Variants in PPP2R2B observed in about 807,000 individuals in gnomAD.
PPP2R2B encodes the protein protein phosphatase 2 regulatory subunit Bbeta.
PPP2R2B carries 5 observed loss-of-function variants against 46.0 expected under a neutral mutation model. The ratio of observed to expected loss-of-function variants is 0.11; its 90% CI spans 0.06 to 0.23. The LOEUF (loss-of-function observed/expected upper bound fraction) is 0.23. PPP2R2B is among the 10% of genes least tolerant of loss of function. PPP2R2B has a pLI of 1.00. For synonymous variants in PPP2R2B, 215 were observed against 206.7 expected, an observed-to-expected ratio of 1.04 and a Z score of -0.34; for missense variants, 367 against 575.0, an observed-to-expected ratio of 0.64 and a Z score of 3.70.
At chr5:146,948,731 G>A (rs1489301380) in intron 1 of PPP2R2B, among the ~76,000 whole-genome samples, 1 of 151,970 alleles carries the variant, frequency 6.6e-6, no homozygotes, top group African/African-American at 2.4e-5. Context: ...TATTAAGAGG[G>A]CATTATGATT....
chr5:146,691,047 C>T (rs1394376624), intron 5 of PPP2R2B, 81 bp downstream of exon 5: 5 of 1,228,478 alleles, frequency 4.1e-6, no homozygotes, highest in Non-Finnish European at 4.7e-6. Flanking sequence ...ATAGTTGCAA[C>T]CTACAGTAAC....
At chr5:146,724,335 C>A (rs1479254300) in intron 2 of PPP2R2B, among the ~76,000 whole-genome samples, 1 of 151,542 alleles carries the variant, frequency 6.6e-6, no homozygotes, top group Non-Finnish European at 1.5e-5. Flanking sequence ...TTGAGGGTTA[C>A]ATGAGAATAT....
chr5:146,999,543 T>A (rs1754070931), intron 1 of PPP2R2B, among the ~76,000 whole-genome samples: 1 of 152,340 alleles, frequency 6.6e-6, no homozygotes, highest in Admixed American at 6.5e-5. Flanking sequence ...GATTCTCACA[T>A]GCCACTAAGG....
chr5:146,748,418 G>A (rs183262436), intron 2 of PPP2R2B, among the ~76,000 whole-genome samples: 43 of 152,310 alleles, frequency 2.8e-4, no homozygotes, highest in African/African-American at 1.0e-3. Flanking sequence ...CATTGATACA[G>A]TGGAGATACA....
At chr5:147,012,455 A>T (rs1156656183) in intron 1 of PPP2R2B, among the ~76,000 whole-genome samples, 3 of 151,874 alleles carry the variant, frequency 2.0e-5, no homozygotes, top group African/African-American at 7.3e-5. Flanking sequence ...TGCGTCTATT[A>T]GATTCTTCTC....
chr5:146,585,265 C>CACACACACATACAT lies in PPP2R2B; in HGVS notation c.*4681_*4682insATGTATGTGTGTGT, dbSNP rs1177757877. On this transcript the variant is annotated 3_prime_UTR_variant, in exon 10 of 10. Transcript: ENST00000394411. ...TAACTTCCATCTACATGCATACACACACACACACACACACACACACACACA... is the reference window on the plus strand; with the variant it reads ...TAACTTCCATCTACATGCATACACACACACACACATACATACACACACACACACACACACACACA... 1 of 145,584 alleles carries CACACACACATACAT rather than the reference C, an allele frequency of 6.9e-6. No homozygotes were observed. Among genetic ancestry groups the CACACACACATACAT allele is most frequent in the East Asian group, 2.0e-4 (1 of 5,056 alleles). 9.0% of individuals were successfully genotyped at this position (145,584 alleles called of 1,614,324 possible).
intron 2 of PPP2R2B, among the ~76,000 whole-genome samples, chr5:146,770,430 A>C (rs1440249505): frequency 6.6e-6 from 1 of 151,844 alleles, no homozygotes; most frequent in Non-Finnish European, 1.5e-5. Flanking sequence ...AAGAATCCTT[A>C]ATGATGTGAA....
chr5:147,070,994 A>G (rs1757578028), intron 2 of PPP2R2B, among the ~76,000 whole-genome samples: 1 of 152,164 alleles, frequency 6.6e-6, no homozygotes, highest in Non-Finnish European at 1.5e-5. Flanking sequence ...GTCTTGAAAA[A>G]AATAAAATGA....
Position 146,650,662 on chromosome 5 carries a change from G to A in PPP2R2B, c.510C>T (p.Asn170=), listed in dbSNP as rs139422809. The stretch of plus-strand genomic sequence containing the variant: ...TGGAGTTGATGTGATATGTGTGTGC[G>A]TTGGCAAATACTCTTCGTGGGGTGG... ...VEATPRRVFA[N]AHTYHINSIS... The change falls in exon 6 of 10, where the codon AAC becomes AAT. Residue 170 remains asparagine, a synonymous_variant. Transcript: ENST00000394411. The A allele has an allele frequency of 5.0e-3, 7,992 of 1,614,002 alleles. 236 individuals carry two copies. The Admixed American group carries it at 0.052, about 11-fold the overall frequency.
intron 5 of PPP2R2B, among the ~76,000 whole-genome samples, chr5:146,674,249 T>G (rs552100249): frequency 1.7e-4 from 26 of 152,304 alleles, no homozygotes; most frequent in African/African-American, 6.3e-4. Context: ...ATGATAAAAC[T>G]GATATGGTGA....
Position 146,975,369 on chromosome 5 carries a change from G to A in PPP2R2B, c.79+80296C>T, listed in dbSNP as rs551144039. ...TCTTAAGAATAAGTAATATTCCACT[G>A]TGTGTATATTCCACATTTTGTTTAT... On this transcript the variant is annotated intron_variant, in intron 1 of 8. Transcript: ENST00000336640. Among the ~76,000 whole-genome samples the A allele has an allele frequency of 8.5e-5, 13 of 152,272 alleles. 1 individual carries two copies. In the South Asian group the frequency reaches 2.7e-3, roughly 32 times the overall value.
At position 146,878,659 on chromosome 5, in the gene PPP2R2B, G is replaced by C. The variant is rs1364681841; in HGVS notation, c.-193C>G. ...GCAGGCGGGGGTAGGGAAGCTGGCG[G>C]GGAGCTGGGCAGGGCGCTGCAGCCG... On this transcript the variant is annotated 5_prime_UTR_variant, in exon 1 of 10. Coordinates refer to ENST00000394411, the MANE Select transcript of PPP2R2B (RefSeq NM_181675.4). The surrounding 1 kb of genome is among the most constrained non-coding windows in gnomAD (Gnocchi z 4.5). The C allele has an allele frequency of 7.9e-7, 1 of 1,266,954 alleles. No homozygotes were observed. Among genetic ancestry groups the C allele is most frequent in the African/African-American group, 1.6e-5 (1 of 64,150 alleles). 78.5% of individuals were successfully genotyped at this position (1,266,954 alleles called of 1,614,324 possible).
At chr5:146,719,892 A>G (rs1306536930) in intron 2 of PPP2R2B, among the ~76,000 whole-genome samples, 1 of 152,108 alleles carries the variant, frequency 6.6e-6, no homozygotes, top group East Asian at 1.9e-4. Flanking sequence ...TCAAGCTGGC[A>G]TTCCCATATG....
chr5:146,666,231 C>T (rs1020567016), intron 5 of PPP2R2B, among the ~76,000 whole-genome samples: 7 of 151,860 alleles, frequency 4.6e-5, no homozygotes, highest in African/African-American at 1.7e-4. Context: ...GTTTTGTAAA[C>T]AAAACAAAGT....
chr5:146,713,880 A>C (rs1185437488), intron 2 of PPP2R2B, among the ~76,000 whole-genome samples: 8 of 152,170 alleles, frequency 5.3e-5, no homozygotes, highest in Admixed American at 5.2e-4. Context: ...TTATAAGTAC[A>C]GATGTTGAGG....
chr5:146,911,643 G>T (rs1035865507), intron 1 of PPP2R2B, among the ~76,000 whole-genome samples: 1 of 152,184 alleles, frequency 6.6e-6, no homozygotes, highest in African/African-American at 2.4e-5. Context: ...TCACATGGGA[G>T]ACTATTGCCT....
intron 6 of PPP2R2B, among the ~76,000 whole-genome samples, chr5:146,642,616 T>A (rs1247478182): frequency 6.6e-6 from 1 of 152,324 alleles, no homozygotes; most frequent in East Asian, 1.9e-4. Flanking sequence ...TTAAAACTTA[T>A]ACTCTGAAAA....
chr5:146,807,801 T>C (rs1334019950), intron 2 of PPP2R2B, among the ~76,000 whole-genome samples: 1 of 103,784 alleles, frequency 9.6e-6, no homozygotes, highest in African/African-American at 4.2e-5. Flanking sequence ...TTTTTTTTTT[T>C]TTTTTTTTTT....
At chr5:146,994,957 G>C (rs1387173477) in intron 1 of PPP2R2B, among the ~76,000 whole-genome samples, 1 of 152,106 alleles carries the variant, frequency 6.6e-6, no homozygotes, top group Non-Finnish European at 1.5e-5. Context: ...GAATTCTTGG[G>C]AACCTATATA....
Sources: allele counts gnomAD v4.1 joint callset (sites outside exome capture counted in the v4.1 genomes callset), GRCh38; gene constraint gnomAD v4.1.1; non-coding constraint Gnocchi (gnomAD v3.1); transcripts MANE v1.5; gene names NCBI Gene and HGNC (gene_info 2026-07-23, HGNC 2026-07-21).